Variants in ATP2C1 observed in about 807,000 individuals in gnomAD.
The protein encoded by ATP2C1 is calcium-transporting ATPase type 2C member 1.
ATP2C1 carries 31 observed loss-of-function variants against 120.5 expected under a neutral mutation model. The ratio of observed to expected loss-of-function variants is 0.26; its 90% CI spans 0.19 to 0.35. The LOEUF is 0.35. Ranked by LOEUF, ATP2C1 falls within the 10% of genes least tolerant of loss-of-function variation. ATP2C1 has a pLI of 1.00. For missense variants in ATP2C1, 731 were observed against 1,107.5 expected, an observed-to-expected ratio of 0.66 and a Z score of 4.83; for synonymous variants, 351 against 358.7, an observed-to-expected ratio of 0.98 and a Z score of 0.24.
intron 2 of ATP2C1, among the ~76,000 whole-genome samples, chr3:130,910,900 TA>T (rs2058374776): frequency 1.3e-5 from 1 of 75,198 alleles, no homozygotes; most frequent in Non-Finnish European, 2.7e-5. Flanking sequence ...GATATTGGTC[TA>T]AAATTCTCTT....
chr3:130,975,585 C>A, intron 18 of ATP2C1, 97 bp downstream of exon 18: 1 of 1,375,050 alleles, frequency 7.3e-7, no homozygotes, highest in Non-Finnish European at 1.0e-6. Context: ...GTCCAACTCA[C>A]TTCCAGGATT....
In ATP2C1 at chr3:130,967,178, G is replaced by C; in HGVS notation, c.1156G>C (p.Val386Leu). 6.2e-7 allele frequency: 1 copy of C among 1,613,780 alleles called. No homozygotes were observed. Among genetic ancestry groups the C allele is most frequent in the Non-Finnish European group, 8.5e-7 (1 of 1,179,754 alleles). ...TGVGYNQFGE[V>L]IVDGDVVHGF... Reference sequence around the variant, plus strand: ...AGTTGGCTATAATCAATTTGGGGAAGTGATTGTTGATGGTGATGTTGTTCA... The same window carrying C: ...AGTTGGCTATAATCAATTTGGGGAACTGATTGTTGATGGTGATGTTGTTCA... The change falls in exon 15 of 28, where the codon GTG (valine) becomes CTG (leucine). Residue 386 changes from valine to leucine, a missense_variant. Physicochemically the swap from Val to Leu is conservative, Grantham distance 32. Around this residue, in one of 3 missense-constraint regions of ATP2C1, gnomAD observed 571 missense variants for 845.9 expected, o/e 0.67. Coordinates refer to ENST00000510168, the MANE Select transcript of ATP2C1 (RefSeq NM_001378687.1).
At chr3:130,950,258 A>T (rs1405703638) in intron 8 of ATP2C1, among the ~76,000 whole-genome samples, 4 of 152,114 alleles carry the variant, frequency 2.6e-5, no homozygotes, top group African/African-American at 9.7e-5. Flanking sequence ...TTTATAGCAT[A>T]TTCACACCTC....
intron 20 of ATP2C1, among the ~76,000 whole-genome samples, chr3:130,989,257 A>C (rs1560019345): frequency 6.8e-6 from 1 of 147,020 alleles, no homozygotes; most frequent in Non-Finnish European, 1.5e-5. Flanking sequence ...CAAAAAAAAA[A>C]AAAACAAAAA....
At chr3:130,895,561 C>T (rs2069541898) in intron 2 of ATP2C1, among the ~76,000 whole-genome samples, 1 of 152,062 alleles carries the variant, frequency 6.6e-6, no homozygotes, top group Non-Finnish European at 1.5e-5. Context: ...CTGACTTGTG[C>T]GTGATCATTT....
chr3:131,008,773 C>T (rs973156710), intron 26 of ATP2C1, among the ~76,000 whole-genome samples: 1 of 152,138 alleles, frequency 6.6e-6, no homozygotes, highest in African/African-American at 2.4e-5. Flanking sequence ...CTCCAATCTC[C>T]CAACAGTATA....
intron 2 of ATP2C1, among the ~76,000 whole-genome samples, chr3:130,926,957 A>C (rs2059237473): frequency 6.6e-6 from 1 of 152,224 alleles, no homozygotes; most frequent in African/African-American, 2.4e-5. Context: ...ACACGGATGT[A>C]CATATTTCAC....
In ATP2C1 at chr3:130,969,413, A is replaced by C; in HGVS notation, c.1413+17A>C. On this transcript the variant is annotated intron_variant, in intron 17 of 27. Transcript: ENST00000510168. ...ACACAGCAGGTATCCATCTGTTTAA[A>C]GAATACTTATTTCCTGTTTAGCTTA... is the stretch of plus-strand genomic sequence containing the variant. The C allele has an allele frequency of 6.3e-7, 1 of 1,588,036 alleles. No individual in the cohort carries two copies. The highest frequency in any genetic ancestry group is 8.6e-7 in the Non-Finnish European group (1 of 1,156,596).
intron 1 of ATP2C1, among the ~76,000 whole-genome samples, chr3:130,863,008 A>G (rs1331455264): frequency 6.6e-6 from 1 of 152,204 alleles, no homozygotes; most frequent in African/African-American, 2.4e-5. Context: ...TCGGGGCCTT[A>G]AAGAGGGTTC....
At chr3:130,949,763 TAGTA>T (rs71133620) in intron 8 of ATP2C1, among the ~76,000 whole-genome samples, 67,865 of 151,698 alleles carry the variant, frequency 0.45, 17,970 homozygotes, top group Middle Eastern at 0.63. Flanking sequence ...CTTTGAGTGT[TAGTA>T]AGTTAAATAC....
intron 2 of ATP2C1, among the ~76,000 whole-genome samples, chr3:130,897,382 C>CT (rs1246052270): frequency 6.6e-6 from 1 of 152,000 alleles, no homozygotes; most frequent in Non-Finnish European, 1.5e-5. Context: ...TTCTCAGCCT[C>CT]TAAGTTATCT....
chr3:130,913,842 G>A (rs143049771), intron 2 of ATP2C1, among the ~76,000 whole-genome samples: 1 of 152,150 alleles, frequency 6.6e-6, no homozygotes, highest in Non-Finnish European at 1.5e-5. Flanking sequence ...TTACACAATG[G>A]TTCGGTTCCT....
chr3:130,937,348 G>A, intron 5 of ATP2C1, 80 bp from the exon 6 acceptor site: 1 of 1,218,016 alleles, frequency 8.2e-7, no homozygotes. Flanking sequence ...TGGGACTGCA[G>A]ATAGTTAGAA....
chr3:130,974,157 AGAAT>A (rs2061445932), intron 17 of ATP2C1, among the ~76,000 whole-genome samples: 1 of 152,250 alleles, frequency 6.6e-6, no homozygotes, highest in South Asian at 2.1e-4. Context: ...GAGTTTAGGA[AGAAT>A]GAATGATAGG....
chr3:130,870,608 A>G (rs1196706992), intron 1 of ATP2C1, among the ~76,000 whole-genome samples: 1 of 152,238 alleles, frequency 6.6e-6, no homozygotes, highest in Admixed American at 6.5e-5. Flanking sequence ...CTAGAAGTGG[A>G]TCCTGAAGAT....
intron 2 of ATP2C1, among the ~76,000 whole-genome samples, chr3:130,926,679 C>T (rs2059221254): frequency 6.6e-6 from 1 of 152,232 alleles, no homozygotes. Context: ...CACATGTATG[C>T]AGGGATGAGA....
intron 14 of ATP2C1, among the ~76,000 whole-genome samples, chr3:130,966,188 G>T (rs2061040670): frequency 6.6e-6 from 1 of 152,124 alleles, no homozygotes; most frequent in Admixed American, 6.6e-5. Context: ...CATAGGTTTT[G>T]AAAAGAGACT....
intron 1 of ATP2C1, among the ~76,000 whole-genome samples, chr3:130,864,240 C>T (rs2068100047): frequency 6.6e-6 from 1 of 152,182 alleles, no homozygotes; most frequent in African/African-American, 2.4e-5. Context: ...AGAGTGGCAG[C>T]ATTTTGCCTC....
intron 21 of ATP2C1, 96 bp downstream of exon 21, chr3:130,993,097 G>T: frequency 9.2e-7 from 1 of 1,082,816 alleles, no homozygotes; most frequent in Non-Finnish European, 1.4e-6. Context: ...GAGCATCAAG[G>T]TCAGAAATAC....
Sources: gnomAD v4.1 joint callset for allele counts (sites outside exome capture counted in the v4.1 genomes callset) on GRCh38, gnomAD v4.1.1 for gene constraint, gnomAD v4.1.1 regional missense constraint, MANE v1.5 for transcripts, NCBI Gene and HGNC (gene_info 2026-07-23, HGNC 2026-07-21) for gene names.